SEMA3C: variants seen among roughly 807,000 people sequenced by gnomAD.
The protein encoded by SEMA3C is semaphorin 3C.
SEMA3C carries 47 observed loss-of-function variants against 89.4 expected under a neutral mutation model. The ratio of observed to expected loss-of-function variants is 0.53; its 90% CI spans 0.42 to 0.67. SEMA3C has a LOEUF of 0.67. SEMA3C is among the 30% of genes least tolerant of loss of function. SEMA3C has a pLI of 0.00. For missense variants in SEMA3C, 839 were observed against 929.1 expected, an observed-to-expected ratio of 0.90 and a Z score of 1.26; for synonymous variants, 310 against 320.2, an observed-to-expected ratio of 0.97 and a Z score of 0.34.
rs78290589 is a variant in SEMA3C, at chr7:80,759,764, T to C, written c.1486-1276A>G. ...ACATCAATTGACTTTTCAGAAATTG[T>C]GCTGAAATTGACTGATCTCCAGTTG... On this transcript the variant is annotated intron_variant, in intron 14 of 17. Transcript: ENST00000265361. Among the ~76,000 whole-genome samples the C allele has an allele frequency of 9.0e-3, 1,377 of 152,332 alleles. 18 individuals are homozygous for C. The highest frequency in any genetic ancestry group is 0.03 in the African/African-American group (1,242 of 41,580).
intron 17 of SEMA3C, among the ~76,000 whole-genome samples, chr7:80,746,791 T>A (rs1346417443): frequency 6.7e-6 from 1 of 149,336 alleles, no homozygotes. Context: ...AATATATAAC[T>A]CTTGGGAACC....
chr7:80,883,328 C>A (rs1393366926), intron 2 of SEMA3C, among the ~76,000 whole-genome samples: 1 of 152,132 alleles, frequency 6.6e-6, no homozygotes, highest in East Asian at 1.9e-4. Context: ...AATCTGAGGA[C>A]AGAAGCACAC....
Position 80,745,012 on chromosome 7 carries a change from C to A in SEMA3C, c.2138G>T (p.Arg713Leu), listed in dbSNP as rs536937172. The change falls in exon 18 of 18, where the codon CGG becomes CTG. Residue 713 changes from arginine to leucine, a missense_variant. By Grantham distance (102) the Arg-to-Leu change is moderately radical. Coordinates refer to ENST00000265361, the MANE Select transcript of SEMA3C (RefSeq NM_006379.5). ...TTCATCTCCCTGCTGATGTTGCTGC[C>A]GAGTGTCTTTGCAATATTGGTTAAT... ...QMINQYCKDT[R>L]QQHQQGDESQ... is the part of the protein sequence containing the mutation. The A allele has an allele frequency of 1.2e-6, 2 of 1,614,038 alleles. No homozygotes were observed.
At chr7:80,919,386 C>G (rs1282879899), upstream of SEMA3C, 1 of 985,198 alleles carries the variant, frequency 1.0e-6, no homozygotes, top group East Asian at 1.1e-4. Flanking sequence ...GTGCGCTCCA[C>G]GGTTTTTGTT....
chr7:80,769,997 C>T (rs1788394137), intron 12 of SEMA3C, among the ~76,000 whole-genome samples: 1 of 151,862 alleles, frequency 6.6e-6, no homozygotes, highest in African/African-American at 2.4e-5. Context: ...AATGAGTTCC[C>T]TGTATGAGGA....
Position 80,744,915 on chromosome 7 carries a change from C to T in SEMA3C, c.2235G>A (p.Arg745=). 1 of 1,614,044 alleles carries T rather than the reference C, an allele frequency of 6.2e-7. No homozygotes were observed. Among genetic ancestry groups the T allele is most frequent in the Non-Finnish European group, 8.5e-7 (1 of 1,179,952 alleles). Residue 745 remains arginine (R), a synonymous_variant, in exon 18 of 18, where the codon AGG becomes AGA. Transcript: ENST00000265361. ...LINSRKSRNR[R]NQLPES ...AATATTATGACTCTGGCAACTGATT[C>T]CTCCTGTTTCTACTTTTCCGACTAT...
chr7:80,811,357 G>T (rs1367755835), intron 5 of SEMA3C, among the ~76,000 whole-genome samples: 1 of 152,024 alleles, frequency 6.6e-6, no homozygotes, highest in Admixed American at 6.6e-5. Context: ...TTAAAATATG[G>T]AAATATGGAA....
At chr7:80,769,883 A>C (rs975658465) in intron 12 of SEMA3C, among the ~76,000 whole-genome samples, 6 of 151,422 alleles carry the variant, frequency 4.0e-5, no homozygotes, top group Admixed American at 1.3e-4. Context: ...AAAAAAAAAA[A>C]AAAAACCACA....
chr7:80,742,609 AACT>A lies in SEMA3C; in HGVS notation c.*2282_*2284del, dbSNP rs1161395367. The A allele has an allele frequency of 3.3e-5, 5 of 152,010 alleles. No homozygotes were observed. Among genetic ancestry groups the A allele is most frequent in the Non-Finnish European group, 7.4e-5 (5 of 67,882 alleles). 9.4% of individuals were successfully genotyped at this position (152,010 alleles called of 1,614,324 possible). On this transcript the variant is annotated 3_prime_UTR_variant, in exon 18 of 18. Coordinates refer to ENST00000265361, the MANE Select transcript of SEMA3C (RefSeq NM_006379.5). ...ATATCCAATTAAATTTTAGTGTGAC[AACT>A]ACATTTAGTTTGTTTTCTTACACAG...
intron 12 of SEMA3C, among the ~76,000 whole-genome samples, chr7:80,774,438 T>A (rs1788501233): frequency 6.6e-6 from 1 of 151,858 alleles, no homozygotes; most frequent in Non-Finnish European, 1.5e-5. Context: ...ATTCAAATAA[T>A]AAAACAAATA....
chr7:80,822,094 T>C (rs1433505678), intron 4 of SEMA3C, among the ~76,000 whole-genome samples: 1 of 152,196 alleles, frequency 6.6e-6, no homozygotes, highest in East Asian at 1.9e-4. Context: ...CCTGCAAATA[T>C]GTGCTGAAGT....
At chr7:80,793,411 A>G (rs1788988727) in intron 11 of SEMA3C, 1 of 408,354 alleles carries the variant, frequency 2.4e-6, no homozygotes, top group East Asian at 7.4e-5. Context: ...TTACTTGAGC[A>G]TATTTTATCC....
chr7:80,813,592 C>T (rs1562887147), intron 5 of SEMA3C, among the ~76,000 whole-genome samples: 1 of 152,156 alleles, frequency 6.6e-6, no homozygotes, highest in Non-Finnish European at 1.5e-5. Context: ...GAGACTAGTT[C>T]TCTTACTTTG....
chr7:80,778,728 A>G (rs1420044906), intron 12 of SEMA3C, among the ~76,000 whole-genome samples: 1 of 152,190 alleles, frequency 6.6e-6, no homozygotes, highest in African/African-American at 2.4e-5. Flanking sequence ...TGTTACTAGC[A>G]TGTAAGAAGA....
intron 15 of SEMA3C, among the ~76,000 whole-genome samples, chr7:80,756,791 A>C (rs1583848055): frequency 6.7e-6 from 1 of 148,288 alleles, no homozygotes; most frequent in South Asian, 2.1e-4. Context: ...TTGCTCACAC[A>C]GTATGTCCGC....
At chr7:80,908,554 A>C (rs1792067894) in intron 2 of SEMA3C, among the ~76,000 whole-genome samples, 1 of 152,170 alleles carries the variant, frequency 6.6e-6, no homozygotes, top group Admixed American at 6.6e-5. Flanking sequence ...TGGCTGGAAA[A>C]AAAGAAAAGC....
At position 80,845,626 on chromosome 7, in the gene SEMA3C, A is replaced by C. The variant is rs2189959; in HGVS notation, c.104-16881T>G. Among the ~76,000 whole-genome samples the C allele has an allele frequency of 2.0e-5, 3 of 151,868 alleles. No individual in the cohort carries two copies. The East Asian group carries it at 5.8e-4, about 29-fold the overall frequency. ...TCATTTTCTCTCCATTTCTATTATC[A>C]CTCAATTCTAGACACATATCAATTC... On this transcript the variant is annotated intron_variant, in intron 2 of 17. Transcript: ENST00000265361.
At chr7:80,900,782 A>G (rs188722741) in intron 2 of SEMA3C, among the ~76,000 whole-genome samples, 156 of 152,352 alleles carry the variant, frequency 1.0e-3, no homozygotes, top group African/African-American at 3.4e-3. Flanking sequence ...AAGTAACTCT[A>G]TATAACAAAT....
chr7:80,904,802 A>T (rs116188107), intron 2 of SEMA3C, among the ~76,000 whole-genome samples: 16 of 152,248 alleles, frequency 1.1e-4, no homozygotes, highest in African/African-American at 3.9e-4. Context: ...AGAGATAGTG[A>T]CTGAATTGGT....
Sources: allele counts gnomAD v4.1 joint callset (sites outside exome capture counted in the v4.1 genomes callset), GRCh38; gene constraint gnomAD v4.1.1; transcripts MANE v1.5; gene names NCBI Gene and HGNC (gene_info 2026-07-23, HGNC 2026-07-21).